Variants in TSHR observed in about 807,000 individuals in gnomAD.
The protein encoded by TSHR is thyroid stimulating hormone receptor.
In TSHR, 51 loss-of-function variants were observed where a neutral mutation model predicts 64.1. The observed-to-expected ratio is 0.80, with a 90% confidence interval of 0.64 to 1.01. The LOEUF (loss-of-function observed/expected upper bound fraction) is 1.01. TSHR is among the 50% of genes least tolerant of loss of function. The probability of loss-of-function intolerance (pLI) is 0.00; values close to 1 mark genes in which losing one functional copy is unlikely to be tolerated. For missense variants in TSHR, 877 were observed against 942.8 expected (o/e 0.93, Z 0.91); for synonymous variants, 361 against 361.9 (o/e 1.00, Z 0.03).
chr14:81,010,474 T>C (rs1889844894), intron 1 of TSHR, among the ~76,000 whole-genome samples: 2 of 152,104 alleles, frequency 1.3e-5, no homozygotes, highest in Admixed American at 6.5e-5. Flanking sequence ...AACTATATTA[T>C]AGTTTTTGTT....
At chr14:80,996,717 ACT>A (rs1242670118) in intron 1 of TSHR, among the ~76,000 whole-genome samples, 9 of 151,252 alleles carry the variant, frequency 6.0e-5, no homozygotes, top group African/African-American at 2.2e-4. Flanking sequence ...GGGAGGGGGG[ACT>A]CTCTTTTGTA....
At chr14:81,110,817 G>A (rs1890193304) in intron 8 of TSHR, among the ~76,000 whole-genome samples, 1 of 152,022 alleles carries the variant, frequency 6.6e-6, no homozygotes, top group Non-Finnish European at 1.5e-5. Flanking sequence ...TTTTCAACTA[G>A]GACGGCCATT....
At position 81,130,918 on chromosome 14, in the gene TSHR, G is replaced by A. The variant is rs1891215146; in HGVS notation, c.693-8761G>A. Among the ~76,000 whole-genome samples, 3 of 92,448 alleles carry A rather than the reference G, an allele frequency of 3.2e-5. 1 individual carries two copies. Among genetic ancestry groups the A allele is most frequent in the African/African-American group, 2.5e-4 (3 of 11,858 alleles). 60.6% of individuals were successfully genotyped at this position (92,448 alleles called of 152,430 possible). A position where few individuals can be genotyped will look rare whatever the true frequency, so the allele number is the denominator to read the frequency against. ...AGGCAGGAGAATGGCGTGAACCCGGGAAGCGGAGCTTGCAGTGAGCCGAGA... is the reference window on the plus strand; with the variant it reads ...AGGCAGGAGAATGGCGTGAACCCGGAAAGCGGAGCTTGCAGTGAGCCGAGA... On this transcript the variant is annotated intron_variant, in intron 8 of 9. Coordinates refer to ENST00000298171, the MANE Select transcript of TSHR (RefSeq NM_000369.5).
intron 1 of TSHR, among the ~76,000 whole-genome samples, chr14:81,041,979 A>C (rs184643102): frequency 8.6e-4 from 131 of 152,272 alleles, no homozygotes; most frequent in African/African-American, 3.0e-3. Context: ...CTGTAATCTG[A>C]TTTTAAAATG....
At position 80,970,240 on chromosome 14, in the gene TSHR, T is replaced by G. The variant is rs146317462; in HGVS notation, c.170+14390T>G. On this transcript the variant is annotated intron_variant, in intron 1 of 9. Transcript: ENST00000298171. ...AGTGGGAGTCTAGGCCACCTATTCATGAATTTACCTTCCCTTTCTAGACTT... is the reference window on the plus strand; with the variant it reads ...AGTGGGAGTCTAGGCCACCTATTCAGGAATTTACCTTCCCTTTCTAGACTT... Among the ~76,000 whole-genome samples the G allele has an allele frequency of 2.7e-4, 41 of 152,340 alleles. 1 individual carries two copies. Among genetic ancestry groups the G allele is most frequent in the African/African-American group, 9.4e-4 (39 of 41,580 alleles).
chr14:81,066,802 A>T (rs1436122007), intron 2 of TSHR, among the ~76,000 whole-genome samples: 4 of 152,186 alleles, frequency 2.6e-5, no homozygotes, highest in Non-Finnish European at 5.9e-5. Flanking sequence ...GTTTAATTGC[A>T]TGTCCAGGGT....
intron 8 of TSHR, among the ~76,000 whole-genome samples, chr14:81,133,212 G>A (rs1891321767): frequency 6.6e-6 from 1 of 152,184 alleles, no homozygotes; most frequent in Admixed American, 6.5e-5. Context: ...CCCTTAAAAA[G>A]ATGAGAAAGG....
chr14:81,062,224 G>GT lies in TSHR; in HGVS notation c.242+12dup, dbSNP rs752840413. ...TCTGCCCAATATTTCCAGAATGTAA[G>GT]TTTTTTTAATATAAAGAAAAGTTTG... On this transcript the variant is annotated splice_donor_region_variant and intron_variant, in intron 2 of 9. Transcript: ENST00000298171. The GT allele has an allele frequency of 1.9e-6, 3 of 1,606,592 alleles. No homozygotes were observed. The highest frequency in any genetic ancestry group is 3.3e-5 in the Admixed American group (2 of 59,748).
chr14:81,125,791 T>C (rs1164086888), intron 8 of TSHR, among the ~76,000 whole-genome samples: 1 of 151,854 alleles, frequency 6.6e-6, no homozygotes, highest in Non-Finnish European at 1.5e-5. Flanking sequence ...ACACCTAGCT[T>C]GGGCACCAAG....
chr14:80,967,532 G>A (rs919081067), intron 1 of TSHR, among the ~76,000 whole-genome samples: 13 of 151,978 alleles, frequency 8.6e-5, no homozygotes, highest in East Asian at 3.9e-4. Context: ...GGATCTGGCC[G>A]CCTCGGCCTC....
intron 1 of TSHR, among the ~76,000 whole-genome samples, chr14:81,055,950 T>C (rs2139878205): frequency 6.6e-6 from 1 of 152,244 alleles, no homozygotes. Flanking sequence ...CATAAGGACA[T>C]GAGATTTGGG....
intron 9 of TSHR, among the ~76,000 whole-genome samples, chr14:81,141,018 G>A (rs1891661790): frequency 6.6e-6 from 1 of 152,188 alleles, no homozygotes; most frequent in South Asian, 2.1e-4. Flanking sequence ...CCCAGCTACT[G>A]GAGAGGCTGA....
intron 1 of TSHR, among the ~76,000 whole-genome samples, chr14:81,046,133 G>A (rs1885157587): frequency 3.3e-5 from 5 of 152,140 alleles, no homozygotes; most frequent in African/African-American, 1.2e-4. Flanking sequence ...TCCCAAAGAG[G>A]GAAATTGGTG....
rs1444786460 is a variant in TSHR, at chr14:81,144,238, A to T, written c.2180A>T (p.Glu727Val). 6.2e-7 allele frequency: 1 copy of T among 1,613,574 alleles called. No individual in the cohort carries two copies. Among genetic ancestry groups the T allele is most frequent in the Admixed American group, 1.7e-5 (1 of 59,968 alleles). Residue 727 changes from glutamate (E) to valine (V), a missense_variant, in exon 10 of 10, where the codon GAG becomes GTG. Transcript: ENST00000298171. ...ATTCAGGTTCAAAAGGTTACCCACG[A>T]GATGAGGCAGGGTCTCCACAACATG... ...TDIQVQKVTHEMRQGLHNMED... is the reference protein window; with the variant it reads ...TDIQVQKVTHVMRQGLHNMED...
At chr14:81,109,458 C>T (rs538407887) in intron 8 of TSHR, among the ~76,000 whole-genome samples, 2 of 152,140 alleles carry the variant, frequency 1.3e-5, no homozygotes, top group South Asian at 2.1e-4. Context: ...CAAAGTGGAA[C>T]ACAGCACCGT....
chr14:80,982,335 G>C, intron 1 of TSHR: 1 of 1,222,320 alleles, frequency 8.2e-7, no homozygotes, highest in Non-Finnish European at 1.1e-6. Flanking sequence ...CTGAGGAAGA[G>C]GCCACTATCA....
intron 1 of TSHR, among the ~76,000 whole-genome samples, chr14:81,020,906 G>A (rs370608469): frequency 1.8e-4 from 28 of 152,022 alleles, no homozygotes; most frequent in African/African-American, 5.3e-4. Context: ...TTGTGAAGCA[G>A]GGTTTTCTGC....
rs192179761 is a variant in TSHR at position 81,074,284 on chromosome 14, C to T, written c.317+5956C>T. ...TCAAATGTTTCTAATATGTATCTGA[C>T]ATTATTGTCTGCAAATGGTTTTGGT... is the stretch of plus-strand genomic sequence containing the variant. On this transcript the variant is annotated intron_variant, in intron 3 of 9. Transcript: ENST00000298171. 1.5e-4 allele frequency among the ~76,000 whole-genome samples: 23 copies of T among 152,244 alleles called. 1 individual carries two copies. The East Asian group carries it at 4.0e-3, about 27-fold the overall frequency.
chr14:81,048,946 T>C (rs1885302194), intron 1 of TSHR, among the ~76,000 whole-genome samples: 1 of 152,204 alleles, frequency 6.6e-6, no homozygotes, highest in Non-Finnish European at 1.5e-5. Flanking sequence ...TTTTGGTCTT[T>C]ATTTAGAAGT....
Sources: gnomAD v4.1 joint callset for allele counts (sites outside exome capture counted in the v4.1 genomes callset) on GRCh38, gnomAD v4.1.1 for gene constraint, MANE v1.5 for transcripts, NCBI Gene and HGNC (gene_info 2026-07-23, HGNC 2026-07-21) for gene names.